KDM2B: variants seen among roughly 807,000 people sequenced by gnomAD.
The protein encoded by KDM2B is lysine-specific demethylase 2B.
Under a neutral mutation model 150.0 loss-of-function variants are expected in KDM2B, and 26 were observed. The observed-to-expected ratio is 0.17, with a 90% confidence interval of 0.13 to 0.24. The LOEUF is 0.24. Among genes scored for constraint, KDM2B ranks in the 10% least tolerant of loss-of-function variants. KDM2B has a pLI of 1.00. For missense variants in KDM2B, 1,265 were observed against 1,816.9 expected (o/e 0.70, Z 5.52); for synonymous variants, 734 against 729.5 (o/e 1.01, Z -0.10).
At chr12:121,529,526 C>T (rs1887446266) in intron 8 of KDM2B, among the ~76,000 whole-genome samples, 1 of 152,170 alleles carries the variant, frequency 6.6e-6, no homozygotes, top group Non-Finnish European at 1.5e-5. Flanking sequence ...TCCCAAGACT[C>T]TCTCCTCAAA....
rs1348482205 is a variant in KDM2B at position 121,445,490 on chromosome 12, G to A, written c.1960-72C>T. 2.0e-6 allele frequency: 3 copies of A among 1,470,654 alleles called. No individual in the cohort carries two copies. In the African/African-American group the frequency reaches 4.2e-5, roughly 21 times the overall value. The allele number at this position is 1,470,654 out of a possible 1,614,324, so 91.1% of individuals were successfully genotyped here. ...CGGACCCCCAGGGGGGCCAGTTCAAGGGCAATGAGCTGCTCCCCTTGGGCC... is the reference window on the plus strand; with the variant it reads ...CGGACCCCCAGGGGGGCCAGTTCAAAGGCAATGAGCTGCTCCCCTTGGGCC... On this transcript the variant is annotated intron_variant, in intron 13 of 22. Coordinates refer to ENST00000377071, the MANE Select transcript of KDM2B (RefSeq NM_032590.5).
At position 121,442,662 on chromosome 12, in the gene KDM2B, G is replaced by A. The variant is rs543372910; in HGVS notation, c.2779C>T (p.Pro927Ser). The A allele has an allele frequency of 1.2e-4, 194 of 1,605,480 alleles. 1 individual carries two copies. In the South Asian group the frequency reaches 1.9e-3, roughly 16 times the overall value. The change falls in exon 19 of 23, where the codon CCG becomes TCG. Residue 927 changes from proline (P) to serine (S), a missense_variant. By Grantham distance (74) the Pro-to-Ser change is moderately conservative. Coordinates refer to ENST00000377071, the MANE Select transcript of KDM2B (RefSeq NM_032590.5). This position sits in a 1 kb window ranked among gnomAD's most constrained non-coding sequence, Gnocchi z 7.7. ...ATCTTCACCTTCTTCTTCTCCTCCG[G>A]GCCCTCGGCCCCTTCGGTGCTGGGT... The part of the protein sequence containing the change: ...AGPSTEGAEG[P>S]EEKKKVKMRR...
chr12:121,535,097 T>G (rs568407987), intron 6 of KDM2B, among the ~76,000 whole-genome samples: 3 of 150,956 alleles, frequency 2.0e-5, no homozygotes, highest in Admixed American at 1.3e-4. Context: ...CAACCAGAGG[T>G]CCAGCCCCGA....
intron 3 of KDM2B, 85 bp from the exon 4 acceptor site, chr12:121,574,678 T>C (rs1891382979): frequency 1.6e-6 from 2 of 1,224,808 alleles, no homozygotes; most frequent in Non-Finnish European, 2.4e-6. Flanking sequence ...AAGCCATTTT[T>C]CCAAGAGAGA....
At chr12:121,433,695 T>G (rs782316010) in intron 22 of KDM2B, among the ~76,000 whole-genome samples, 27 of 152,204 alleles carry the variant, frequency 1.8e-4, no homozygotes, top group Non-Finnish European at 3.5e-4. Flanking sequence ...CCTAGTAGTA[T>G]TTTTTGCAGA....
chr12:121,574,956 GTC>G (rs782547790), intron 3 of KDM2B, among the ~76,000 whole-genome samples: 42 of 152,308 alleles, frequency 2.8e-4, no homozygotes, highest in Admixed American at 6.5e-4. Flanking sequence ...CCCTCTCTAT[GTC>G]TCTTTCTCCC....
intron 12 of KDM2B, among the ~76,000 whole-genome samples, chr12:121,491,369 G>T (rs1883328621): frequency 6.6e-6 from 1 of 152,174 alleles, no homozygotes; most frequent in South Asian, 2.1e-4. Flanking sequence ...ATACTGGGGA[G>T]TGCCCAGGAG....
At chr12:121,425,661 TTGTC>T (rs1555284130), downstream of KDM2B, among the ~76,000 whole-genome samples, 2 of 152,194 alleles carry the variant, frequency 1.3e-5, no homozygotes, top group Non-Finnish European at 2.9e-5. Flanking sequence ...TCCCACTTGT[TTGTC>T]TGCAACCACA....
At chr12:121,486,451 T>C (rs1204513083) in intron 12 of KDM2B, among the ~76,000 whole-genome samples, 1 of 147,344 alleles carries the variant, frequency 6.8e-6, no homozygotes, top group Non-Finnish European at 1.5e-5. Flanking sequence ...AGTGCTGAGA[T>C]TACAGGCGTG....
intron 22 of KDM2B, among the ~76,000 whole-genome samples, chr12:121,435,927 G>T (rs1555286649): frequency 1.3e-5 from 2 of 152,138 alleles, no homozygotes; most frequent in African/African-American, 4.8e-5. Flanking sequence ...TTGAGTGGAG[G>T]GACAAGCAAG....
At position 121,442,346 on chromosome 12, in the gene KDM2B, G is replaced by A. The variant is rs1555288594; in HGVS notation, c.3095C>T (p.Pro1032Leu). 10 of 1,593,696 alleles carry A rather than the reference G, an allele frequency of 6.3e-6. No individual in the cohort carries two copies. Among genetic ancestry groups the A allele is most frequent in the East Asian group, 2.2e-5 (1 of 44,530 alleles). Residue 1032 changes from proline (P) to leucine (L), a missense_variant, in exon 19 of 23, where the codon CCG (proline) becomes CTG (leucine). Coordinates refer to ENST00000377071, the MANE Select transcript of KDM2B (RefSeq NM_032590.5). This position sits in a 1 kb window ranked among gnomAD's most constrained non-coding sequence, Gnocchi z 7.7. ...GCGCTCCATCTGGATACACTTGGGC[G>A]GGGACACGGAGGGTGGGGGCCGGGA... is the stretch of plus-strand genomic sequence containing the variant. ...VISRPPPSVS[P>L]PKCIQMERHV...
At position 121,520,957 on chromosome 12, in the gene KDM2B, A is replaced by C. The variant is rs782457786; in HGVS notation, c.1047+28T>G. The C allele has an allele frequency of 1.3e-6, 2 of 1,574,908 alleles. No homozygotes were observed. The highest frequency in any genetic ancestry group is 3.3e-5 in the Admixed American group (2 of 59,892). On this transcript the variant is annotated intron_variant, in intron 9 of 22. Coordinates refer to ENST00000377071, the MANE Select transcript of KDM2B (RefSeq NM_032590.5). This position sits in a 1 kb window ranked among gnomAD's most constrained non-coding sequence, Gnocchi z 4.5. ...GGCAGAGCTCAGGGGCCAGGCGCGCACGCGAGGACAGAAGGGAACCTCCTT... is the reference window on the plus strand; with the variant it reads ...GGCAGAGCTCAGGGGCCAGGCGCGCCCGCGAGGACAGAAGGGAACCTCCTT...
At chr12:121,412,407 TTTTG>T in the KDM2B span, among the ~76,000 whole-genome samples, 1 of 150,920 alleles carries the variant, frequency 6.6e-6, no homozygotes, top group African/African-American at 2.4e-5. Flanking sequence ...GCCAGGCTAA[TTTTG>T]TTTTTGTTTT....
intron 22 of KDM2B, among the ~76,000 whole-genome samples, chr12:121,434,733 G>A (rs1873686252): frequency 6.6e-6 from 1 of 151,880 alleles, no homozygotes; most frequent in Admixed American, 6.6e-5. Context: ...CAAGGCGGGT[G>A]GATCACAAGG....
downstream of KDM2B, among the ~76,000 whole-genome samples, chr12:121,425,424 GTGCAGC>G (rs1409469524): frequency 6.6e-5 from 10 of 152,128 alleles, no homozygotes; most frequent in African/African-American, 1.9e-4. Flanking sequence ...TGTCATTTCA[GTGCAGC>G]TGGGAGTGGC....
In KDM2B at chr12:121,468,726, C is replaced by T. The variant is rs143404641; in HGVS notation, c.1735-15382G>A. 2 of 152,170 alleles carry T rather than the reference C, an allele frequency of 1.3e-5. No individual in the cohort carries two copies. Among genetic ancestry groups the T allele is most frequent in the African/African-American group, 2.4e-5 (1 of 41,510 alleles). 9.4% of individuals were successfully genotyped at this position (152,170 alleles called of 1,614,324 possible). ...CTTTCAAAGAAGGCAGGCTGTGTGC[C>T]GGAGACCTTGTAAACAAAACTCAGG... On this transcript the variant is annotated intron_variant, in intron 12 of 22. Coordinates refer to ENST00000377071, the MANE Select transcript of KDM2B (RefSeq NM_032590.5). This position sits in a 1 kb window ranked among gnomAD's most constrained non-coding sequence, Gnocchi z 4.0.
chr12:121,516,883 AAT>A (rs1555305107), intron 9 of KDM2B: 1 of 671,550 alleles, frequency 1.5e-6, no homozygotes, highest in African/African-American at 1.8e-5. Flanking sequence ...AAAAAAAAAA[AAT>A]CAATGGAAAA....
intron 6 of KDM2B, among the ~76,000 whole-genome samples, chr12:121,541,446 G>GGAGGGAGA (rs1888608461): frequency 6.8e-6 from 1 of 146,796 alleles, no homozygotes; most frequent in African/African-American, 2.5e-5. Context: ...AGGGAGGGAG[G>GGAGGGAGA]GAGGGAGAGA....
chr12:121,508,999 A>T lies in KDM2B; in HGVS notation c.1647+568T>A, dbSNP rs542328015. ...CTGCTGGTGGGGACTCAGGTTTCCA[A>T]TAAGTGCTGAGAAGAAAACTCGTCA... On this transcript the variant is annotated intron_variant, in intron 11 of 22. Coordinates refer to ENST00000377071, the MANE Select transcript of KDM2B (RefSeq NM_032590.5). 2.0e-5 allele frequency among the ~76,000 whole-genome samples: 3 copies of T among 152,274 alleles called. No individual in the cohort carries two copies. The East Asian group carries it at 5.8e-4, about 29-fold the overall frequency.
Sources: gnomAD v4.1 joint callset for allele counts (sites outside exome capture counted in the v4.1 genomes callset) on GRCh38, gnomAD v4.1.1 for gene constraint, Gnocchi (gnomAD v3.1) non-coding constraint, MANE v1.5 for transcripts, NCBI Gene and HGNC (gene_info 2026-07-23, HGNC 2026-07-21) for gene names.